ZNF43: variants seen among roughly 807,000 people sequenced by gnomAD.
ZNF43 encodes zinc finger protein 43, also known as zinc finger protein 39-like 1 (KOX 27).
Under a neutral mutation model 68.4 loss-of-function variants are expected in ZNF43, and 44 were observed. That is an observed-to-expected ratio of 0.64 (90% CI 0.51 to 0.83). The LOEUF is 0.83. ZNF43 is among the 40% of genes least tolerant of loss of function. The pLI, the probability that ZNF43 is intolerant of heterozygous loss-of-function variation, is 0.00. For synonymous variants in ZNF43, 308 were observed against 307.8 expected (o/e 1.00, Z -0.01); for missense variants, 896 against 933.2 (o/e 0.96, Z 0.52).
At chr19:21,841,640 C>G (rs1967541739) in intron 1 of ZNF43, 1 of 152,172 alleles carries the variant, frequency 6.6e-6, no homozygotes. Context: ...AGGGCCCAGG[C>G]AAGAGCTCTT....
rs1260240694 is a variant in ZNF43, at chr19:21,836,062, G to T, written c.-24C>A. Reference sequence around the variant, plus strand: ...ATTTCTAGGCTTCCGGGGGGTCCTGGCGTCTTAGCTGTGGATCCCCCAATA... The same window carrying T: ...ATTTCTAGGCTTCCGGGGGGTCCTGTCGTCTTAGCTGTGGATCCCCCAATA... On this transcript the variant is annotated 5_prime_UTR_variant, in exon 1 of 4. Coordinates refer to ENST00000354959, the MANE Select transcript of ZNF43 (RefSeq NM_003423.4). 1 of 1,613,928 alleles carries T rather than the reference G, an allele frequency of 6.2e-7. No individual in the cohort carries two copies. Among genetic ancestry groups the T allele is most frequent in the South Asian group, 1.1e-5 (1 of 91,088 alleles).
intron 1 of ZNF43, among the ~76,000 whole-genome samples, chr19:21,834,204 G>C (rs1183816353): frequency 6.6e-6 from 1 of 151,554 alleles, no homozygotes; most frequent in South Asian, 2.1e-4. Context: ...TGGGAATGGT[G>C]GTAGGTGCCG....
chr19:21,808,900 A>G lies in ZNF43; in HGVS notation c.1137T>C (p.Phe379=). 6.2e-7 allele frequency: 1 copy of G among 1,613,834 alleles called. No individual in the cohort carries two copies. ...FYKCTECGEA[F]SRSSNLTKHK... ...GTTTAGTAAGGTTTGAGGACCGGCT[A>G]AAAGCTTCACCACATTCTGTACATT... is the stretch of plus-strand genomic sequence containing the variant. The change falls in exon 4 of 4, where the codon TTT becomes TTC. Residue 379 remains phenylalanine, a synonymous_variant. Transcript: ENST00000354959.
intron 1 of ZNF43, among the ~76,000 whole-genome samples, chr19:21,835,261 A>C (rs1019141098): frequency 3.3e-5 from 5 of 150,410 alleles, no homozygotes; most frequent in Non-Finnish European, 7.4e-5. Flanking sequence ...AAAAAAAAAA[A>C]AAAAAGAAAA....
At chr19:21,845,237 G>C (rs968262104) in intron 1 of ZNF43, among the ~76,000 whole-genome samples, 2 of 152,084 alleles carry the variant, frequency 1.3e-5, no homozygotes, top group African/African-American at 4.8e-5. Context: ...CCAGTGGTAT[G>C]TTACAATGTT....
At chr19:21,824,671 A>G (rs78049951) in intron 1 of ZNF43, among the ~76,000 whole-genome samples, 1 of 151,572 alleles carries the variant, frequency 6.6e-6, no homozygotes, top group East Asian at 1.9e-4. Context: ...CAAGCAGGGT[A>G]CAATCAAAAG....
In ZNF43 at chr19:21,808,910, C is replaced by T. The variant is rs1187883563; in HGVS notation, c.1127G>A (p.Gly376Asp). The T allele has an allele frequency of 6.2e-7, 1 of 1,613,274 alleles. No individual in the cohort carries two copies. Among genetic ancestry groups the T allele is most frequent in the Non-Finnish European group, 8.5e-7 (1 of 1,179,772 alleles). Residue 376 changes from glycine (G) to aspartate (D), a missense_variant, in exon 4 of 4, where the codon GGT (glycine) becomes GAT (aspartate). Gly to Asp is a moderately conservative substitution (Grantham distance 94, BLOSUM62 -1). Coordinates refer to ENST00000354959, the MANE Select transcript of ZNF43 (RefSeq NM_003423.4). Reference sequence around the variant, plus strand: ...GTTTGAGGACCGGCTAAAAGCTTCACCACATTCTGTACATTTATAGAATTT... The same window carrying T: ...GTTTGAGGACCGGCTAAAAGCTTCATCACATTCTGTACATTTATAGAATTT... ...AEKFYKCTEC[G>D]EAFSRSSNLT...
chr19:21,836,778 G>GA (rs144148885), upstream of ZNF43, among the ~76,000 whole-genome samples: 191 of 152,214 alleles, frequency 1.3e-3, 1 homozygote, highest in African/African-American at 4.3e-3. Context: ...TATTTGTAGA[G>GA]ATGAAGCCTC....
At chr19:21,820,112 T>C (rs1599477308) in intron 1 of ZNF43, among the ~76,000 whole-genome samples, 1 of 139,712 alleles carries the variant, frequency 7.2e-6, no homozygotes, top group East Asian at 2.0e-4. Context: ...GGCAAGAGAA[T>C]CGCTTGAACC....
intron 3 of ZNF43, among the ~76,000 whole-genome samples, chr19:21,813,093 T>C (rs1737506491): frequency 6.6e-6 from 1 of 151,838 alleles, no homozygotes; most frequent in African/African-American, 2.4e-5. Context: ...AAATACAAAA[T>C]TAACCAGGCA....
chr19:21,808,401 C>G lies in ZNF43; in HGVS notation c.1636G>C (p.Ala546Pro), dbSNP rs2145149913. ...GTAAGGATTGAGAAATGGTTAAAAG[C>G]TTTGCCACATTCTTCACATTTGTAG... is the stretch of plus-strand genomic sequence containing the variant. ...KPYKCEECGK[A>P]FNHFSILTKH... Residue 546 changes from alanine (A) to proline (P), a missense_variant, in exon 4 of 4, where the codon GCT becomes CCT. Physicochemically the swap from Ala to Pro is conservative, Grantham distance 27. Transcript: ENST00000354959. 1.2e-6 allele frequency: 2 copies of G among 1,612,980 alleles called. No individual in the cohort carries two copies. The highest frequency in any genetic ancestry group is 1.7e-5 in the Admixed American group (1 of 59,994).
Position 21,809,174 on chromosome 19 carries a change from C to T in ZNF43, c.863G>A (p.Cys288Tyr). 4.3e-6 allele frequency: 7 copies of T among 1,613,394 alleles called. No individual in the cohort carries two copies. Among genetic ancestry groups the T allele is most frequent in the Non-Finnish European group, 5.1e-6 (6 of 1,179,754 alleles). ...GTTAAAAGCTTTGGCACATTCTTTACATTTGTAGAATTTCTCTCCAGTGCG... is the reference window on the plus strand; with the variant it reads ...GTTAAAAGCTTTGGCACATTCTTTATATTTGTAGAATTTCTCTCCAGTGCG... Reference protein sequence around the residue: ...IIRTGEKFYKCKECAKAFNQS... With the variant: ...IIRTGEKFYKYKECAKAFNQS... Residue 288 changes from cysteine to tyrosine, a missense_variant, in exon 4 of 4, where the codon TGT becomes TAT. Coordinates refer to ENST00000354959, the MANE Select transcript of ZNF43 (RefSeq NM_003423.4).
intron 1 of ZNF43, among the ~76,000 whole-genome samples, chr19:21,835,056 G>A (rs1413435548): frequency 6.7e-6 from 1 of 150,214 alleles, no homozygotes; most frequent in African/African-American, 2.4e-5. Flanking sequence ...AGACCACCTG[G>A]CCAATATAGT....
chr19:21,822,721 C>T (rs2037917442), intron 1 of ZNF43, among the ~76,000 whole-genome samples: 1 of 151,908 alleles, frequency 6.6e-6, no homozygotes, highest in Non-Finnish European at 1.5e-5. Flanking sequence ...GGGAGAATGA[C>T]GTGAACCCAG....
At chr19:21,838,800 A>G (rs1967301769), upstream of ZNF43, 1 of 152,138 alleles carries the variant, frequency 6.6e-6, no homozygotes, top group Admixed American at 6.6e-5. Flanking sequence ...GAGCAACTCA[A>G]TCTTGAATAG....
chr19:21,851,539 CAA>C (rs759516277), intron 1 of ZNF43, among the ~76,000 whole-genome samples: 9,350 of 64,698 alleles, frequency 0.14, 983 homozygotes, highest in African/African-American at 0.37. Flanking sequence ...GATTCCCTCT[CAA>C]AAAAAAAAAA....
intron 1 of ZNF43, among the ~76,000 whole-genome samples, chr19:21,845,124 G>A (rs1257266818): frequency 2.0e-5 from 3 of 151,174 alleles, no homozygotes; most frequent in East Asian, 2.0e-4. Flanking sequence ...AGATGGGCAC[G>A]GGCAGCAAGT....
intron 2 of ZNF43, 59 bp downstream of exon 2, chr19:21,819,036 G>A: frequency 1.1e-5 from 17 of 1,562,014 alleles, no homozygotes; most frequent in Non-Finnish European, 1.5e-5. Flanking sequence ...ACAGTCTACA[G>A]AAAACAAAAA....
intron 1 of ZNF43, among the ~76,000 whole-genome samples, chr19:21,831,465 A>G (rs979865203): frequency 2.6e-5 from 4 of 152,192 alleles, no homozygotes; most frequent in African/African-American, 9.6e-5. Context: ...GGTTTCAAGC[A>G]ATTCTCCAGC....
Sources: gnomAD v4.1 joint callset for allele counts (sites outside exome capture counted in the v4.1 genomes callset) on GRCh38, gnomAD v4.1.1 for gene constraint, MANE v1.5 for transcripts, NCBI Gene and HGNC (gene_info 2026-07-23, HGNC 2026-07-21) for gene names.